Variants in RAB37 observed in about 807,000 individuals in gnomAD.
The protein encoded by RAB37 is RAB37, member RAS oncogene family.
A neutral mutation model predicts 33.1 loss-of-function variants in RAB37; 29 were observed. The ratio of observed to expected loss-of-function variants is 0.88; its 90% CI spans 0.65 to 1.20. The LOEUF (loss-of-function observed/expected upper bound fraction) is 1.20. RAB37 is among the 50% of genes most tolerant of loss of function. The pLI, the probability that RAB37 is intolerant of heterozygous loss-of-function variation, is 0.00. For synonymous variants in RAB37, 128 were observed against 119.5 expected (o/e 1.07, Z -0.47); for missense variants, 299 against 301.1 (o/e 0.99, Z 0.05).
At chr17:74,692,011 AC>A (rs1453978989) in intron 1 of RAB37, among the ~76,000 whole-genome samples, 1 of 151,790 alleles carries the variant, frequency 6.6e-6, no homozygotes, top group Non-Finnish European at 1.5e-5. Flanking sequence ...GACTACAGGC[AC>A]CCGCCACCAC....
intron 1 of RAB37, among the ~76,000 whole-genome samples, chr17:74,685,655 A>G (rs2143488369): frequency 6.6e-6 from 1 of 152,028 alleles, no homozygotes; most frequent in South Asian, 2.1e-4. Flanking sequence ...CCAGACCCTA[A>G]CTCTTCTCCT....
At chr17:74,714,981 G>A (rs549442887) in intron 1 of RAB37, among the ~76,000 whole-genome samples, 1 of 152,206 alleles carries the variant, frequency 6.6e-6, no homozygotes, top group Non-Finnish European at 1.5e-5. Flanking sequence ...ACTTAGCCGG[G>A]TGTGGTGGTG....
At chr17:74,704,689 A>AG (rs1490245591) in intron 1 of RAB37, 2 of 1,614,166 alleles carry the variant, frequency 1.2e-6, no homozygotes, top group Admixed American at 3.3e-5. Context: ...CACGCCAAAT[A>AG]GCTCCTCGAC....
At chr17:74,741,586 A>AG (rs1477659506) in intron 2 of RAB37, among the ~76,000 whole-genome samples, 11 of 40,152 alleles carry the variant, frequency 2.7e-4, no homozygotes, top group South Asian at 2.6e-3. Flanking sequence ...ACTGCGTCTC[A>AG]GAAAAAAAAA....
At chr17:74,684,362 G>C (rs1463054234) in intron 1 of RAB37, among the ~76,000 whole-genome samples, 1 of 151,162 alleles carries the variant, frequency 6.6e-6, no homozygotes, top group Non-Finnish European at 1.5e-5. Context: ...CAAAGTGCTG[G>C]GATTATAGGC....
Position 74,671,561 on chromosome 17 carries a change from C to T in RAB37, c.-26C>T. The T allele has an allele frequency of 1.9e-6, 3 of 1,612,002 alleles. No homozygotes were observed. Among genetic ancestry groups the T allele is most frequent in the Non-Finnish European group, 1.7e-6 (2 of 1,178,306 alleles). On this transcript the variant is annotated 5_prime_UTR_variant, in exon 1 of 8. Transcript: ENST00000340415. This position sits in a 1 kb window ranked among gnomAD's most constrained non-coding sequence, Gnocchi z 5.0. The stretch of plus-strand genomic sequence containing the variant: ...GCGCTGACGCAGAGCGCAGGGAGAG[C>T]CGGAGCGGCGAGCTCCAAGCCTGGC...
intron 1 of RAB37, chr17:74,704,375 A>G (rs1370382451): frequency 1.1e-6 from 1 of 870,502 alleles, no homozygotes; most frequent in Non-Finnish European, 1.8e-6. Context: ...TCGGGACTCA[A>G]GTGATAGATC....
rs1182718400 is a variant in RAB37 at position 74,671,321 on chromosome 17, G to C, written c.-266G>C. The C allele has an allele frequency of 2.0e-6, 1 of 505,066 alleles. No individual in the cohort carries two copies. The highest frequency in any genetic ancestry group is 3.6e-6 in the Non-Finnish European group (1 of 280,070). 31.3% of individuals were successfully genotyped at this position (505,066 alleles called of 1,614,324 possible). On this transcript the variant is annotated 5_prime_UTR_variant, in exon 1 of 8. Transcript: ENST00000340415. This position sits in a 1 kb window ranked among gnomAD's most constrained non-coding sequence, Gnocchi z 5.0. ...AAGAGGCAGGGATTGGAGCGGACAG[G>C]ATCTCAGAACTCTGGTCCCGGGCGC...
chr17:74,674,856 G>A (rs191973754), intron 1 of RAB37, among the ~76,000 whole-genome samples: 1 of 152,190 alleles, frequency 6.6e-6, no homozygotes, highest in Admixed American at 6.5e-5. Context: ...CCCTCCCCCA[G>A]AGATTGTCAT....
At chr17:74,690,474 C>G (rs1236652053) in intron 1 of RAB37, among the ~76,000 whole-genome samples, 5 of 152,138 alleles carry the variant, frequency 3.3e-5, no homozygotes, top group Non-Finnish European at 7.4e-5. Context: ...GTTCCTCTTG[C>G]AATAAACGTG....
chr17:74,673,333 G>A (rs548660571), intron 1 of RAB37, among the ~76,000 whole-genome samples: 2 of 151,050 alleles, frequency 1.3e-5, no homozygotes, highest in African/African-American at 4.9e-5. Flanking sequence ...AGCCTGGGAG[G>A]CAGAGACTGC....
intron 1 of RAB37, among the ~76,000 whole-genome samples, chr17:74,710,967 G>GT (rs2033916275): frequency 1.3e-5 from 2 of 152,050 alleles, no homozygotes; most frequent in African/African-American, 2.4e-5. Context: ...TTGAGCCCAG[G>GT]AGTTGAGGCT....
chr17:74,712,997 AAG>A lies in RAB37; in HGVS notation c.73-16255_73-16254del, dbSNP rs890511122. The stretch of plus-strand genomic sequence containing the variant: ...TCCTTCAGTCACTTCCCATGGGTGA[AAG>A]AGACTAAAAGAGGAAGGAGGTGGTT... On this transcript the variant is annotated intron_variant, in intron 1 of 7. Coordinates refer to the RAB37 transcript ENST00000340415. 73 of 895,498 alleles carry A rather than the reference AAG, an allele frequency of 8.2e-5. No homozygotes were observed. The African/African-American group carries it at 1.2e-3, about 15-fold the overall frequency. The allele number at this position is 895,498 out of a possible 1,614,324, so 55.5% of individuals were successfully genotyped here. A position where few individuals can be genotyped will look rare whatever the true frequency, so the allele number is the denominator to read the frequency against.
At chr17:74,688,669 C>T (rs1029761403) in intron 1 of RAB37, among the ~76,000 whole-genome samples, 14 of 150,870 alleles carry the variant, frequency 9.3e-5, no homozygotes, top group Admixed American at 4.6e-4. Context: ...TCTACAAAAA[C>T]TAAACTGCTT....
chr17:74,710,121 G>A (rs2033838761), intron 1 of RAB37, among the ~76,000 whole-genome samples: 1 of 152,062 alleles, frequency 6.6e-6, no homozygotes, highest in Non-Finnish European at 1.5e-5. Context: ...TGGGACTACA[G>A]GCGCCCACCA....
chr17:74,740,975 G>A (rs2034600492), intron 2 of RAB37, 97 bp downstream of exon 2: 1 of 892,812 alleles, frequency 1.1e-6, no homozygotes, highest in South Asian at 1.3e-5. Flanking sequence ...GGCTCCCAGG[G>A]ACTCCCGAGG....
At position 74,742,690 on chromosome 17, in the gene RAB37, A is replaced by G. The variant is rs1481258131; in HGVS notation, c.246+395A>G. Among the ~76,000 whole-genome samples the G allele has an allele frequency of 6.6e-6, 1 of 151,596 alleles. No homozygotes were observed. Among genetic ancestry groups the G allele is most frequent in the Non-Finnish European group, 1.5e-5 (1 of 67,902 alleles). On this transcript the variant is annotated intron_variant, in intron 3 of 8. Transcript: ENST00000392613. The surrounding 1 kb of genome is among the most constrained non-coding windows in gnomAD (Gnocchi z 4.0). ...GCCCAGGCTGGAGTGCAGTGGCACA[A>G]TCTCGGCTCACTGCAACCTCTGCCT...
At chr17:74,713,315 C>CAAAAAAA (rs1163915122) in intron 1 of RAB37, among the ~76,000 whole-genome samples, 2 of 61,082 alleles carry the variant, frequency 3.3e-5, no homozygotes, top group African/African-American at 5.6e-5. Flanking sequence ...CAAACAAAAA[C>CAAAAAAA]AAAAAAAAAA....
chr17:74,680,800 CGTTCATCATCGCCAGA>C (rs1036107917), intron 1 of RAB37, among the ~76,000 whole-genome samples: 9 of 151,654 alleles, frequency 5.9e-5, no homozygotes, highest in African/African-American at 2.2e-4. Context: ...AGGGATGTTC[CGTTCATCATCGCCAGA>C]GTTGTCATTT....
Sources: allele counts gnomAD v4.1 joint callset (sites outside exome capture counted in the v4.1 genomes callset), GRCh38; gene constraint gnomAD v4.1.1; non-coding constraint Gnocchi (gnomAD v3.1); transcripts MANE v1.5; gene names NCBI Gene and HGNC (gene_info 2026-07-23, HGNC 2026-07-21).